Variants in ZBTB7C observed in about 807,000 individuals in gnomAD.
The protein encoded by ZBTB7C is zinc finger and BTB domain-containing protein 7C.
A neutral mutation model predicts 25.7 loss-of-function variants in ZBTB7C; 8 were observed. The observed-to-expected ratio is 0.31, with a 90% CI of 0.18 to 0.56. ZBTB7C has a LOEUF of 0.56. Among genes scored for constraint, ZBTB7C ranks in the 20% least tolerant of loss-of-function variants. The probability of loss-of-function intolerance (pLI) is 0.91; values close to 1 mark genes in which losing one functional copy is unlikely to be tolerated. For synonymous variants in ZBTB7C, 394 were observed against 369.0 expected (o/e 1.07, Z -0.78); for missense variants, 824 against 855.2 (o/e 0.96, Z 0.46).
At chr18:48,319,110 C>CTGTGTGTGTGTGTG (rs2046026372) in intron 2 of ZBTB7C, among the ~76,000 whole-genome samples, 1 of 79,704 alleles carries the variant, frequency 1.3e-5, no homozygotes, top group Non-Finnish European at 2.8e-5. Flanking sequence ...GCCAGAATGC[C>CTGTGTGTGTGTGTG]TCTGTGTGTG....
rs567847083 is a variant in ZBTB7C at position 48,121,413 on chromosome 18, T to TAA, written c.-17+64519_-17+64520dup. Among the ~76,000 whole-genome samples, 886 of 127,700 alleles carry TAA rather than the reference T, an allele frequency of 6.9e-3. 4 individuals are homozygous for TAA. Among genetic ancestry groups the TAA allele is most frequent in the African/African-American group, 0.019 (705 of 37,886 alleles). The allele number at this position is 127,700 out of a possible 152,430, so 83.8% of individuals were successfully genotyped here. ...GGCTTAATACTCTTTTTTTTTTTTT[T>TAA]AAAAAAATGCACTTACTGTACCAAA... On this transcript the variant is annotated intron_variant, in intron 3 of 4. Transcript: ENST00000590800.
rs1317009028 is a variant in ZBTB7C, at chr18:48,029,287, C to A, written c.1833G>T (p.Val611=). The change falls in exon 5 of 5, where the codon GTG becomes GTT. Residue 611 remains valine (V), a synonymous_variant. Coordinates refer to ENST00000590800, the MANE Select transcript of ZBTB7C (RefSeq NM_001318841.2). ...GLPGLAGLNH[V]ASMSEANN is the part of the protein sequence containing the mutation. ...AGTTGTTGGCTTCGGACATGGAGGC[C>A]ACGTGGTTGAGGCCGGCGAGCCCAG... The A allele has an allele frequency of 6.5e-7, 1 of 1,538,350 alleles. No homozygotes were observed.
At chr18:48,388,870 T>C (rs141360918) in intron 1 of ZBTB7C, among the ~76,000 whole-genome samples, 77 of 152,358 alleles carry the variant, frequency 5.1e-4, no homozygotes, top group African/African-American at 1.8e-3. Flanking sequence ...GGATAGTTGA[T>C]TGATCTAGAA....
chr18:48,347,729 A>T (rs1441549806), intron 1 of ZBTB7C, among the ~76,000 whole-genome samples: 1 of 152,186 alleles, frequency 6.6e-6, no homozygotes, highest in African/African-American at 2.4e-5. Flanking sequence ...ACCAGCAAAG[A>T]GCCTGGAGGT....
chr18:48,347,558 C>T (rs545775947), intron 1 of ZBTB7C, among the ~76,000 whole-genome samples: 1 of 152,260 alleles, frequency 6.6e-6, no homozygotes, highest in South Asian at 2.1e-4. Flanking sequence ...CCTCACCCTG[C>T]TGCCTCTGCC....
chr18:48,335,954 G>A (rs1304391766), intron 2 of ZBTB7C, among the ~76,000 whole-genome samples: 1 of 152,158 alleles, frequency 6.6e-6, no homozygotes, highest in Non-Finnish European at 1.5e-5. Flanking sequence ...GCCCGCCCCA[G>A]TGGCTATTGG....
intron 1 of ZBTB7C, among the ~76,000 whole-genome samples, chr18:48,338,691 C>T (rs1204330672): frequency 5.9e-5 from 9 of 152,162 alleles, no homozygotes; most frequent in Middle Eastern, 3.2e-3. Context: ...GAAAGACTCA[C>T]CTTCTAATCC....
In ZBTB7C at chr18:48,308,127, T is replaced by C. The variant is rs568069460; in HGVS notation, c.-79+30047A>G. Among the ~76,000 whole-genome samples the C allele has an allele frequency of 3.9e-5, 6 of 152,230 alleles. No homozygotes were observed. The South Asian group carries it at 1.2e-3, about 32-fold the overall frequency. On this transcript the variant is annotated intron_variant, in intron 2 of 4. Transcript: ENST00000590800. ...ACCAGCCATGTATGGCCATGTGAGT[T>C]CCCATGTCAGCCATGCAAGGCCATC...
At chr18:48,041,595 C>A (rs1203781188) in intron 3 of ZBTB7C, 1 of 967,072 alleles carries the variant, frequency 1.0e-6, no homozygotes, top group Admixed American at 6.2e-5. Flanking sequence ...AACAGACTTA[C>A]ACTTTGCACT....
intron 2 of ZBTB7C, among the ~76,000 whole-genome samples, chr18:48,272,581 T>C (rs988180998): frequency 5.3e-5 from 8 of 152,184 alleles, no homozygotes; most frequent in African/African-American, 1.9e-4. Flanking sequence ...TGCAGTCACT[T>C]TGGGAAAGAG....
intron 3 of ZBTB7C, among the ~76,000 whole-genome samples, chr18:48,114,778 G>A (rs117622335): frequency 1.6e-3 from 241 of 152,276 alleles, no homozygotes; most frequent in Non-Finnish European, 2.8e-3. Flanking sequence ...GCTTCAAGGT[G>A]GATGAATCGT....
intron 3 of ZBTB7C, among the ~76,000 whole-genome samples, chr18:48,092,312 C>T (rs1479794010): frequency 6.6e-6 from 1 of 152,242 alleles, no homozygotes; most frequent in East Asian, 1.9e-4. Flanking sequence ...CCCCTGTACC[C>T]ATTAGCTGAG....
Position 48,299,591 on chromosome 18 carries a change from G to A in ZBTB7C, c.-79+38583C>T, listed in dbSNP as rs150494268. Among the ~76,000 whole-genome samples the A allele has an allele frequency of 2.4e-3, 367 of 152,342 alleles. 4 individuals are homozygous for A. Among genetic ancestry groups the A allele is most frequent in the African/African-American group, 8.2e-3 (340 of 41,580 alleles). On this transcript the variant is annotated intron_variant, in intron 2 of 4. Coordinates refer to ENST00000590800, the MANE Select transcript of ZBTB7C (RefSeq NM_001318841.2). Reference sequence around the variant, plus strand: ...CAAGGCATGGGAGACACAGGGAGTCGTGGATGGGAGATGAGAGTGGCAAAG... The same window carrying A: ...CAAGGCATGGGAGACACAGGGAGTCATGGATGGGAGATGAGAGTGGCAAAG...
intron 3 of ZBTB7C, among the ~76,000 whole-genome samples, chr18:48,136,456 T>C (rs1394780857): frequency 6.6e-6 from 1 of 152,152 alleles, no homozygotes; most frequent in African/African-American, 2.4e-5. Context: ...GCTCCTTTAA[T>C]TTCTGCCCGT....
intron 3 of ZBTB7C, chr18:48,150,279 G>C (rs2040634169): frequency 6.6e-6 from 1 of 151,848 alleles, no homozygotes; most frequent in Non-Finnish European, 1.5e-5. Context: ...AATATTTTTG[G>C]ATTTCAAATG....
chr18:48,198,528 G>A (rs557406259), intron 2 of ZBTB7C, among the ~76,000 whole-genome samples: 1 of 152,258 alleles, frequency 6.6e-6, no homozygotes, highest in East Asian at 1.9e-4. Context: ...TTTCCTTGAC[G>A]TGTCCAGCTT....
intron 1 of ZBTB7C, among the ~76,000 whole-genome samples, chr18:48,356,790 G>A (rs1332100034): frequency 5.3e-5 from 8 of 152,188 alleles, no homozygotes; most frequent in Non-Finnish European, 8.8e-5. Flanking sequence ...TAACAGATGA[G>A]GGAACTGAGG....
At chr18:48,141,151 C>CT (rs905301188) in intron 3 of ZBTB7C, among the ~76,000 whole-genome samples, 10 of 145,380 alleles carry the variant, frequency 6.9e-5, no homozygotes, top group African/African-American at 1.3e-4. Flanking sequence ...GCACCACCCC[C>CT]CCCACTGTTC....
At chr18:48,320,748 G>A (rs531114057) in intron 2 of ZBTB7C, among the ~76,000 whole-genome samples, 95 of 152,364 alleles carry the variant, frequency 6.2e-4, no homozygotes, top group African/African-American at 2.2e-3. Flanking sequence ...TGCAGGAAGT[G>A]CACTGGCAGC....
Sources: allele counts gnomAD v4.1 joint callset (sites outside exome capture counted in the v4.1 genomes callset), GRCh38; gene constraint gnomAD v4.1.1; transcripts MANE v1.5; gene names NCBI Gene and HGNC (gene_info 2026-07-23, HGNC 2026-07-21).